Variants in PECR observed in about 807,000 individuals in gnomAD.
The protein encoded by PECR is peroxisomal trans-2-enoyl-CoA reductase.
A neutral mutation model predicts 35.3 loss-of-function variants in PECR; 30 were observed. That is an observed-to-expected ratio of 0.85 (90% CI 0.64 to 1.15). The LOEUF (loss-of-function observed/expected upper bound fraction) is 1.15, where lower values mean the gene tolerates loss of function less well. PECR is among the 50% of genes most tolerant of loss of function. The pLI is 0.00. For missense variants in PECR, 392 were observed against 370.8 expected, an observed-to-expected ratio of 1.06 and a Z score of -0.47; for synonymous variants, 148 against 138.9, an observed-to-expected ratio of 1.07 and a Z score of -0.46.
intron 6 of PECR, among the ~76,000 whole-genome samples, chr2:216,046,413 C>T (rs1049965646): frequency 6.0e-5 from 9 of 148,834 alleles, no homozygotes; most frequent in Admixed American, 2.0e-4. Flanking sequence ...CGGGTTCAAG[C>T]AATTGTCCTG....
intron 4 of PECR, 42 bp from the exon 5 acceptor site, chr2:216,051,587 G>T: frequency 8.4e-7 from 1 of 1,196,092 alleles, no homozygotes; most frequent in South Asian, 1.2e-5. Flanking sequence ...AGCTTCTGTT[G>T]AATATTTCTC....
At chr2:216,071,878 C>A (rs982064839) in intron 1 of PECR, among the ~76,000 whole-genome samples, 1 of 152,238 alleles carries the variant, frequency 6.6e-6, no homozygotes, top group South Asian at 2.1e-4. Flanking sequence ...CGTTTGGGTG[C>A]CACTTTGACA....
Position 216,043,036 on chromosome 2 carries a change from T to TATATATATACACATAC in PECR, c.826+867_826+868insGTATGTGTATATATAT, listed in dbSNP as rs1491525249. 8.2e-3 allele frequency among the ~76,000 whole-genome samples: 155 copies of TATATATATACACATAC among 19,000 alleles called. 10 individuals carry two copies. The highest frequency in any genetic ancestry group is 0.028 in the African/African-American group (141 of 5,054). The allele number at this position is 19,000 out of a possible 152,430, so 12.5% of individuals were successfully genotyped here. A position where few individuals can be genotyped will look rare whatever the true frequency, so the allele number is the denominator to read the frequency against. On this transcript the variant is annotated intron_variant, in intron 7 of 7. Coordinates refer to ENST00000265322, the MANE Select transcript of PECR (RefSeq NM_018441.6). ...ATATATACACATACGTATATATGTA[T>TATATATATACACATAC]GTGTATATATATATACACATACGTA...
At chr2:216,059,348 A>G (rs903531746) in intron 3 of PECR, among the ~76,000 whole-genome samples, 1 of 152,190 alleles carries the variant, frequency 6.6e-6, no homozygotes, top group African/African-American at 2.4e-5. Flanking sequence ...GAATCACACA[A>G]TACGTGGTCT....
chr2:216,029,671 AG>A (rs1370171709), intron 7 of PECR, among the ~76,000 whole-genome samples: 3 of 152,254 alleles, frequency 2.0e-5, no homozygotes, highest in African/African-American at 7.2e-5. Context: ...ACTCGCCAGA[AG>A]CTGAAATACA....
intron 1 of PECR, among the ~76,000 whole-genome samples, chr2:216,070,941 T>C (rs986948426): frequency 2.9e-4 from 44 of 152,252 alleles, no homozygotes; most frequent in Admixed American, 3.3e-4. Context: ...TGTTTGCTCA[T>C]ATACCCTCCA....
chr2:216,068,651 T>G (rs995428400), intron 1 of PECR, among the ~76,000 whole-genome samples: 1 of 152,116 alleles, frequency 6.6e-6, no homozygotes, highest in Non-Finnish European at 1.5e-5. Flanking sequence ...TTCGTGTGTT[T>G]GTTTTTGAGA....
intron 7 of PECR, among the ~76,000 whole-genome samples, chr2:216,039,834 G>A (rs1480248892): frequency 6.6e-6 from 1 of 152,158 alleles, no homozygotes; most frequent in African/African-American, 2.4e-5. Context: ...GGGAAGCTTG[G>A]CACCAAGGCA....
At chr2:216,029,944 G>A (rs79170212) in intron 7 of PECR, among the ~76,000 whole-genome samples, 3,343 of 152,208 alleles carry the variant, frequency 0.022, 141 homozygotes, top group African/African-American at 0.076. Flanking sequence ...GCCTGTGGTC[G>A]GTGCACATGC....
In PECR at chr2:216,081,690, C is replaced by A. The variant is rs778507980; in HGVS notation, c.52G>T (p.Gly18Cys). 1 of 1,613,716 alleles carries A rather than the reference C, an allele frequency of 6.2e-7. No individual in the cohort carries two copies. Among genetic ancestry groups the A allele is most frequent in the South Asian group, 1.1e-5 (1 of 91,084 alleles). ...RSYLAPGLLQGQVAIVTGGAT... is the reference protein window; with the variant it reads ...RSYLAPGLLQCQVAIVTGGAT... ...CCGCCGGTGACGATGGCCACTTGGC[C>A]CTGCAGCAAACCAGGCGCCAGGTAG... The change falls in exon 1 of 8, where the codon GGC becomes TGC. Residue 18 changes from glycine to cysteine, a missense_variant. Coordinates refer to ENST00000265322, the MANE Select transcript of PECR (RefSeq NM_018441.6).
chr2:216,048,664 C>T (rs1440644948), intron 6 of PECR, among the ~76,000 whole-genome samples: 3 of 151,720 alleles, frequency 2.0e-5, no homozygotes, highest in South Asian at 2.1e-4. Context: ...GGGCCAAGAT[C>T]GCGCCACTGC....
intron 7 of PECR, among the ~76,000 whole-genome samples, chr2:216,033,340 T>C (rs1288455688): frequency 6.6e-6 from 1 of 152,130 alleles, no homozygotes; most frequent in African/African-American, 2.4e-5. Flanking sequence ...AAATGACCAG[T>C]AATTTTGCAT....
At chr2:216,033,984 T>C (rs1694752560), downstream of PECR, 1 of 152,222 alleles carries the variant, frequency 6.6e-6, no homozygotes, top group South Asian at 2.1e-4. Context: ...TGGTTTAGAA[T>C]CTTCCCGCTG....
chr2:216,041,201 A>G (rs1463603848), intron 7 of PECR, among the ~76,000 whole-genome samples: 3 of 152,074 alleles, frequency 2.0e-5, no homozygotes, highest in Non-Finnish European at 4.4e-5. Flanking sequence ...TAGAATTACA[A>G]AAGAAAATCA....
chr2:216,055,280 A>G (rs1695202063), intron 4 of PECR, among the ~76,000 whole-genome samples: 1 of 151,836 alleles, frequency 6.6e-6, no homozygotes, highest in Admixed American at 6.6e-5. Context: ...TCTATTAAAA[A>G]TACTAAATTA....
At chr2:216,059,101 CCTGA>C (rs1349652698) in intron 3 of PECR, 125 bp from the exon 4 acceptor site, 6 of 705,032 alleles carry the variant, frequency 8.5e-6, no homozygotes, top group African/African-American at 3.6e-5. Flanking sequence ...TTATAAAAAG[CCTGA>C]CTGAGGTAAA....
In PECR at chr2:216,065,371, T is replaced by C; in HGVS notation, c.365A>G (p.Lys122Arg). Reference sequence around the variant, plus strand: ...GGTCTCAAGCACAGCGTGCCATCCCTTAGAACTGATGTGTTCAGCAGGGGA... The same window carrying C: ...GGTCTCAAGCACAGCGTGCCATCCCCTAGAACTGATGTGTTCAGCAGGGGA... ...FLSPAEHISS[K>R]GWHAVLETNL... Residue 122 changes from lysine (K) to arginine (R), a missense_variant, in exon 3 of 8, where the codon AAG (lysine) becomes AGG (arginine). Coordinates refer to ENST00000265322, the MANE Select transcript of PECR (RefSeq NM_018441.6). The C allele has an allele frequency of 6.2e-7, 1 of 1,610,888 alleles. No individual in the cohort carries two copies. The highest frequency in any genetic ancestry group is 1.1e-5 in the South Asian group (1 of 91,014).
intron 1 of PECR, among the ~76,000 whole-genome samples, chr2:216,079,437 G>T (rs1695782598): frequency 6.7e-6 from 1 of 149,958 alleles, no homozygotes; most frequent in East Asian, 2.0e-4. Context: ...GCACGATCTT[G>T]GCTCACTGAA....
intron 1 of PECR, among the ~76,000 whole-genome samples, chr2:216,070,710 C>G (rs1042375216): frequency 1.3e-5 from 2 of 152,200 alleles, no homozygotes; most frequent in Non-Finnish European, 2.9e-5. Context: ...TGAGCTCCTA[C>G]GGCCTTTTGT....
Sources: allele counts gnomAD v4.1 joint callset (sites outside exome capture counted in the v4.1 genomes callset), GRCh38; gene constraint gnomAD v4.1.1; transcripts MANE v1.5; gene names NCBI Gene and HGNC (gene_info 2026-07-23, HGNC 2026-07-21).